Variants in LGALS4 observed in about 807,000 individuals in gnomAD.
LGALS4 encodes the protein galectin-4.
LGALS4 carries 37 observed loss-of-function variants against 39.6 expected under a neutral mutation model. The ratio of observed to expected loss-of-function variants is 0.93; its 90% CI spans 0.72 to 1.23. The LOEUF is 1.23. Among genes scored for constraint, LGALS4 ranks in the 50% most tolerant of loss-of-function variants. The pLI is 0.00. For synonymous variants in LGALS4, 160 were observed against 165.5 expected (o/e 0.97, Z 0.25); for missense variants, 397 against 433.2 (o/e 0.92, Z 0.74).
At chr19:38,812,052 G>T (rs1971500082) in intron 2 of LGALS4, among the ~76,000 whole-genome samples, 1 of 151,812 alleles carries the variant, frequency 6.6e-6, no homozygotes, top group South Asian at 2.1e-4. Flanking sequence ...AAACAGAAAA[G>T]AAAAGAAAAT....
rs145088175 is a variant in LGALS4, at chr19:38,808,903, G to A, written c.180C>T (p.Val60=). ...FVVGQDPGSD[V]AFHFNPRFDG... is the part of the protein sequence containing the mutation. ...CAAACCGCGGATTGAAGTGGAAGGCGACGTCTGAGCCCGGATCCTGCCCAA... is the reference window on the plus strand; with the variant it reads ...CAAACCGCGGATTGAAGTGGAAGGCAACGTCTGAGCCCGGATCCTGCCCAA... The change falls in exon 3 of 10, where the codon GTC becomes GTT. Residue 60 remains valine, a synonymous_variant. Transcript: ENST00000307751. The A allele has an allele frequency of 1.0e-3, 1,634 of 1,614,054 alleles. 2 individuals are homozygous for A. Among genetic ancestry groups the A allele is most frequent in the Non-Finnish European group, 1.2e-3 (1,390 of 1,179,988 alleles).
Position 38,808,804 on chromosome 19 carries a change from C to T in LGALS4, c.279G>A (p.Met93Ile). 6.2e-7 allele frequency: 1 copy of T among 1,614,152 alleles called. No homozygotes were observed. The highest frequency in any genetic ancestry group is 8.5e-7 in the Non-Finnish European group (1 of 1,180,026). Residue 93 changes from methionine to isoleucine, a missense_variant, in exon 3 of 10, where the codon ATG becomes ATA. Physicochemically the swap from Met to Ile is conservative, Grantham distance 10. Transcript: ENST00000307751. The part of the protein sequence containing the change: ...KWGSEERKRS[M>I]PFKKGAAFEL... ...CAAAGGCGGCACCCTTTTTGAAGGG[C>T]ATGCTCCTCTTCCTCTCCTCGCTGC...
At chr19:38,805,900 C>T (rs1308492124) in intron 4 of LGALS4, among the ~76,000 whole-genome samples, 2 of 152,038 alleles carry the variant, frequency 1.3e-5, no homozygotes, top group Non-Finnish European at 2.9e-5. Flanking sequence ...GGTGAAACCC[C>T]GTCTCTACTA....
At chr19:38,806,003 C>A (rs547838387) in intron 4 of LGALS4, among the ~76,000 whole-genome samples, 1 of 151,938 alleles carries the variant, frequency 6.6e-6, no homozygotes, top group African/African-American at 2.4e-5. Flanking sequence ...AACTGGGAGG[C>A]AGAGGTTGCA....
At chr19:38,811,221 C>T (rs550128120) in intron 2 of LGALS4, among the ~76,000 whole-genome samples, 1 of 151,910 alleles carries the variant, frequency 6.6e-6, no homozygotes, top group East Asian at 1.9e-4. Flanking sequence ...TTTTATGTTT[C>T]CCCTACTAGG....
At chr19:38,803,146 C>G (rs1722238519) in intron 7 of LGALS4, 2 of 220,184 alleles carry the variant, frequency 9.1e-6, no homozygotes, top group African/African-American at 4.6e-5. Context: ...TCCTGAGTAG[C>G]TGGGATTACA....
chr19:38,805,388 C>G (rs1380841186), intron 4 of LGALS4, among the ~76,000 whole-genome samples: 1 of 151,972 alleles, frequency 6.6e-6, no homozygotes, highest in Non-Finnish European at 1.5e-5. Context: ...ACTAGTCAAG[C>G]CCTTCCTGTA....
chr19:38,812,406 C>G, intron 2 of LGALS4, 25 bp downstream of exon 2: 1 of 1,607,048 alleles, frequency 6.2e-7, no homozygotes, highest in South Asian at 1.1e-5. Flanking sequence ...CCTGCCAGCC[C>G]GGCCTGGCTT....
chr19:38,804,925 G>A (rs1304809084), intron 4 of LGALS4, among the ~76,000 whole-genome samples: 1 of 152,020 alleles, frequency 6.6e-6, no homozygotes, highest in Non-Finnish European at 1.5e-5. Context: ...GGAGGCTGAG[G>A]TGGGTGGATC....
At chr19:38,803,977 G>C in intron 4 of LGALS4, 82 bp from the exon 5 acceptor site, 2 of 1,449,806 alleles carry the variant, frequency 1.4e-6, no homozygotes, top group Non-Finnish European at 1.9e-6. Flanking sequence ...CTGCCCTGGG[G>C]TGGCCCACCA....
At position 38,802,336 on chromosome 19, in the gene LGALS4, A is replaced by G. The variant is rs1044916911; in HGVS notation, c.639T>C (p.Tyr213=). Residue 213 remains tyrosine, a synonymous_variant, in exon 8 of 10, where the codon TAT becomes TAC. Coordinates refer to ENST00000307751, the MANE Select transcript of LGALS4 (RefSeq NM_006149.4). ...TARRTIIIKG[Y]VPPTGKSFAI... ...TATACCTCTTGCCTGTGGGAGGCAC[A>G]TAGCCCTTGATGATGATGGTTCTTC... 7 of 1,614,162 alleles carry G rather than the reference A, an allele frequency of 4.3e-6. No homozygotes were observed. Among genetic ancestry groups the G allele is most frequent in the Non-Finnish European group, 5.9e-6 (7 of 1,180,018 alleles).
chr19:38,807,652 C>T (rs1437066347), intron 3 of LGALS4, among the ~76,000 whole-genome samples: 3 of 151,864 alleles, frequency 2.0e-5, no homozygotes, highest in African/African-American at 7.3e-5. Context: ...CAAGAATGGG[C>T]CATGATGACG....
At chr19:38,806,648 T>TACAA (rs796971762) in intron 3 of LGALS4, 53 bp from the exon 4 acceptor site, 1 of 1,598,420 alleles carries the variant, frequency 6.3e-7, no homozygotes, top group African/African-American at 1.3e-5. Context: ...CCTGGGAAGG[T>TACAA]ACAAACAGGA....
In LGALS4 at chr19:38,808,786, G is replaced by A. The variant is rs766740662; in HGVS notation, c.297C>T (p.Ala99=). 9.3e-6 allele frequency: 15 copies of A among 1,614,010 alleles called. No individual in the cohort carries two copies. Among genetic ancestry groups the A allele is most frequent in the Admixed American group, 5.0e-5 (3 of 59,984 alleles). ...GGACTATGAAGACCAGCTCAAAGGC[G>A]GCACCCTTTTTGAAGGGCATGCTCC... ...RKRSMPFKKG[A]AFELVFIVLA... is the part of the protein sequence containing the mutation. Residue 99 remains alanine, a synonymous_variant, in exon 3 of 10, where the codon GCC becomes GCT. Transcript: ENST00000307751.
intron 3 of LGALS4, 34 bp from the exon 4 acceptor site, chr19:38,806,629 A>T (rs775148426): frequency 6.2e-7 from 1 of 1,611,076 alleles, no homozygotes. Context: ...AGGAGTCAGC[A>T]CCCATGATCC....
chr19:38,806,116 C>A (rs989851270), intron 4 of LGALS4, among the ~76,000 whole-genome samples: 1 of 151,784 alleles, frequency 6.6e-6, no homozygotes, highest in South Asian at 2.1e-4. Context: ...GCCTGTAATC[C>A]CAGCACTTTG....
intron 6 of LGALS4, 57 bp downstream of exon 6, chr19:38,803,685 C>G (rs1448789952): frequency 6.2e-7 from 1 of 1,602,546 alleles, no homozygotes. Context: ...GCTCCCCCTA[C>G]CCCAATTCTC....
At chr19:38,804,258 A>AG (rs1384640339) in intron 4 of LGALS4, among the ~76,000 whole-genome samples, 1 of 152,078 alleles carries the variant, frequency 6.6e-6, no homozygotes, top group Non-Finnish European at 1.5e-5. Flanking sequence ...ACCTCAGCGC[A>AG]GGGGCTTCCT....
intron 7 of LGALS4, chr19:38,803,213 C>T: frequency 2.5e-6 from 1 of 401,894 alleles, no homozygotes; most frequent in Non-Finnish European, 4.5e-6. Context: ...CAGAGTTTCA[C>T]TATGCTGGCC....
Sources: gnomAD v4.1 joint callset for allele counts (sites outside exome capture counted in the v4.1 genomes callset) on GRCh38, gnomAD v4.1.1 for gene constraint, MANE v1.5 for transcripts, NCBI Gene and HGNC (gene_info 2026-07-23, HGNC 2026-07-21) for gene names.